Variants in ARHGEF18 observed in about 807,000 individuals in gnomAD.
ARHGEF18 encodes the protein rho guanine nucleotide exchange factor 18.
A neutral mutation model predicts 155.7 loss-of-function variants in ARHGEF18; 93 were observed. That is an observed-to-expected ratio of 0.60 (90% confidence interval 0.50 to 0.71). The LOEUF (loss-of-function observed/expected upper bound fraction) is 0.71, where lower values mean the gene tolerates loss of function less well. Among genes scored for constraint, ARHGEF18 ranks in the 30% least tolerant of loss-of-function variants. The pLI, the probability that ARHGEF18 is intolerant of heterozygous loss-of-function variation, is 0.00. For synonymous variants in ARHGEF18, 742 were observed against 753.1 expected, an observed-to-expected ratio of 0.99 and a Z score of 0.24; for missense variants, 1,593 against 1,816.1, an observed-to-expected ratio of 0.88 and a Z score of 2.23.
In ARHGEF18 at chr19:7,456,248, G is replaced by A; in HGVS notation, c.2105-79G>A. On this transcript the variant is annotated intron_variant, in intron 17 of 28. Coordinates refer to ENST00000668164, the MANE Select transcript of ARHGEF18 (RefSeq NM_001367823.1). ...CATGCTGCTTACACCTTCCTGGGAA[G>A]TGGCATCCGCGGGGGTGGCCAGCAA... 7.0e-6 allele frequency: 9 copies of A among 1,287,116 alleles called. 1 individual carries two copies. The South Asian group carries it at 1.1e-4, about 15-fold the overall frequency. 79.7% of individuals were successfully genotyped at this position (1,287,116 alleles called of 1,614,324 possible).
intron 3 of ARHGEF18, among the ~76,000 whole-genome samples, chr19:7,375,423 G>GA (rs60177056): frequency 1.0e-3 from 121 of 120,572 alleles, no homozygotes; most frequent in Non-Finnish European, 1.9e-3. Context: ...AAGGAAGGAA[G>GA]AAAGGAAGGA....
chr19:7,477,431 A>G, downstream of ARHGEF18: 1 of 1,446,006 alleles, frequency 6.9e-7, no homozygotes. Flanking sequence ...GCCCCGGGGC[A>G]GCGGGCTGTG....
At chr19:7,405,269 A>G (rs979340379) in intron 10 of ARHGEF18, among the ~76,000 whole-genome samples, 3 of 151,860 alleles carry the variant, frequency 2.0e-5, no homozygotes, top group African/African-American at 4.8e-5. Context: ...ACCTCTTCCA[A>G]CTTCTAAAAG....
Position 7,453,643 on chromosome 19 carries a change from G to C in ARHGEF18, c.2032G>C (p.Glu678Gln). The change falls in exon 17 of 29, where the codon GAA (glutamate) becomes CAA (glutamine). Residue 678 changes from glutamate to glutamine, a missense_variant. Glu to Gln is a conservative substitution (Grantham distance 29). Coordinates refer to ENST00000668164, the MANE Select transcript of ARHGEF18 (RefSeq NM_001367823.1). ...CAAGAACGGGCTCACCTTCCGCAAG[G>C]AAGACATGCTTCAGCGGCAGCTCCA... is the stretch of plus-strand genomic sequence containing the variant. ...KLKNGLTFRK[E>Q]DMLQRQLHLE... The C allele has an allele frequency of 6.2e-7, 1 of 1,610,890 alleles. No individual in the cohort carries two copies. The highest frequency in any genetic ancestry group is 8.5e-7 in the Non-Finnish European group (1 of 1,177,552).
intron 22 of ARHGEF18, 32 bp from the exon 23 acceptor site, chr19:7,464,527 AG>A (rs1313052035): frequency 6.3e-7 from 1 of 1,591,668 alleles, no homozygotes; most frequent in Non-Finnish European, 8.6e-7. Context: ...ACGGGATGGC[AG>A]CATCCTCATG....
At chr19:7,435,340 G>A (rs909447885) in intron 10 of ARHGEF18, among the ~76,000 whole-genome samples, 12 of 152,252 alleles carry the variant, frequency 7.9e-5, no homozygotes, top group East Asian at 3.9e-4. Flanking sequence ...AGAAATGACC[G>A]TCAGGAAGGA....
intron 15 of ARHGEF18, among the ~76,000 whole-genome samples, chr19:7,449,104 C>T (rs1383623438): frequency 6.6e-6 from 1 of 152,140 alleles, no homozygotes; most frequent in Non-Finnish European, 1.5e-5. Flanking sequence ...AAACCTCCGT[C>T]CACGGACTCT....
chr19:7,447,892 G>A lies in ARHGEF18; in HGVS notation c.1737+724G>A, dbSNP rs116013588. ...ACCTGTAATCCCAGCTACTCCAGCC[G>A]CTAAGGAGGGAAAATCAGTTGAGCT... On this transcript the variant is annotated intron_variant, in intron 15 of 28. Coordinates refer to ENST00000668164, the MANE Select transcript of ARHGEF18 (RefSeq NM_001367823.1). 6.6e-5 allele frequency among the ~76,000 whole-genome samples: 10 copies of A among 152,216 alleles called. No individual in the cohort carries two copies. In the East Asian group the frequency reaches 1.2e-3, roughly 18 times the overall value.
intron 1 of ARHGEF18, among the ~76,000 whole-genome samples, chr19:7,359,678 G>C (rs1969464591): frequency 6.6e-6 from 1 of 151,548 alleles, no homozygotes; most frequent in African/African-American, 2.4e-5. Context: ...AGTTCAGTCT[G>C]TGATATCAGG....
At chr19:7,351,703 TC>T (rs1469530864) in intron 1 of ARHGEF18, among the ~76,000 whole-genome samples, 891 of 9,768 alleles carry the variant, frequency 0.091, 9 homozygotes, top group Middle Eastern at 0.17. Context: ...TCTCTCTCTC[TC>T]TTTTTTTTTT....
intron 7 of ARHGEF18, among the ~76,000 whole-genome samples, chr19:7,380,200 T>C (rs533282039): frequency 1.7e-3 from 253 of 150,224 alleles, no homozygotes; most frequent in Middle Eastern, 7.0e-3. Context: ...AATTGTGGGC[T>C]GGGCGCAGTG....
intron 10 of ARHGEF18, among the ~76,000 whole-genome samples, chr19:7,421,048 A>G (rs1177270833): frequency 2.6e-5 from 4 of 152,058 alleles, no homozygotes; most frequent in Admixed American, 6.6e-5. Context: ...CTTCCACCTC[A>G]GCCTCCTGAG....
chr19:7,382,740 C>T (rs1314189177), intron 8 of ARHGEF18, 52 bp from the exon 9 acceptor site: 4 of 1,206,464 alleles, frequency 3.3e-6, no homozygotes, highest in Non-Finnish European at 4.1e-6. Flanking sequence ...CACAGGGCTG[C>T]CTCAGAATGG....
chr19:7,354,656 T>G (rs966656762), intron 1 of ARHGEF18, among the ~76,000 whole-genome samples: 1 of 150,504 alleles, frequency 6.6e-6, no homozygotes, highest in South Asian at 2.1e-4. Flanking sequence ...TCCCAGCACT[T>G]TGCGAGGCCG....
At chr19:7,359,210 G>A (rs1393239864) in intron 1 of ARHGEF18, among the ~76,000 whole-genome samples, 1 of 152,128 alleles carries the variant, frequency 6.6e-6, no homozygotes, top group Non-Finnish European at 1.5e-5. Context: ...GGGATCAGTA[G>A]AAGGGGAGTG....
At chr19:7,458,475 T>C in intron 18 of ARHGEF18, 37 bp from the exon 19 acceptor site, 2 of 1,595,466 alleles carry the variant, frequency 1.3e-6, no homozygotes, top group Non-Finnish European at 1.7e-6. Context: ...TGCTGTGGGG[T>C]AAAGGGTGAC....
intron 8 of ARHGEF18, among the ~76,000 whole-genome samples, chr19:7,381,977 A>G (rs912833437): frequency 6.6e-6 from 1 of 152,230 alleles, no homozygotes; most frequent in African/African-American, 2.4e-5. Context: ...AGACCCTACC[A>G]GAGCAGGAAT....
chr19:7,394,996 G>C, intron 10 of ARHGEF18: 1 of 966,284 alleles, frequency 1.0e-6, no homozygotes, highest in African/African-American at 1.8e-5. Flanking sequence ...CCCTCACCAC[G>C]GCTCGGGGAG....
intron 3 of ARHGEF18, among the ~76,000 whole-genome samples, chr19:7,373,422 T>G (rs1970286348): frequency 6.6e-6 from 1 of 151,936 alleles, no homozygotes; most frequent in Non-Finnish European, 1.5e-5. Context: ...TGGGAGACAG[T>G]GACAGATCAT....
Sources: gnomAD v4.1 joint callset for allele counts (sites outside exome capture counted in the v4.1 genomes callset) on GRCh38, gnomAD v4.1.1 for gene constraint, MANE v1.5 for transcripts, NCBI Gene and HGNC (gene_info 2026-07-23, HGNC 2026-07-21) for gene names.